Variants in FAF1 observed in about 807,000 individuals in gnomAD.
The protein encoded by FAF1 is FAS-associated factor 1.
FAF1 carries 25 observed loss-of-function variants against 92.5 expected under a neutral mutation model. The observed-to-expected ratio is 0.27, with a 90% confidence interval of 0.20 to 0.38. The LOEUF (loss-of-function observed/expected upper bound fraction) is 0.38, where lower values mean the gene tolerates loss of function less well. Among genes scored for constraint, FAF1 ranks in the 10% least tolerant of loss-of-function variants. The pLI is 1.00. For synonymous variants in FAF1, 234 were observed against 273.2 expected, an observed-to-expected ratio of 0.86 and a Z score of 1.42; for missense variants, 636 against 793.3, an observed-to-expected ratio of 0.80 and a Z score of 2.38.
At chr1:50,454,230 A>C (rs971645327) in intron 18 of FAF1, among the ~76,000 whole-genome samples, 6 of 152,212 alleles carry the variant, frequency 3.9e-5, no homozygotes, top group Admixed American at 3.3e-4. Context: ...CATAGACCCT[A>C]TGTGCCAGAC....
chr1:50,820,618 A>G (rs1644034873), intron 2 of FAF1, among the ~76,000 whole-genome samples: 1 of 152,288 alleles, frequency 6.6e-6, no homozygotes, highest in Admixed American at 6.5e-5. Context: ...TCATGTTACA[A>G]CTGAAAGTTT....
At chr1:50,755,289 A>T (rs1660030954) in intron 4 of FAF1, among the ~76,000 whole-genome samples, 1 of 152,186 alleles carries the variant, frequency 6.6e-6, no homozygotes, top group South Asian at 2.1e-4. Flanking sequence ...GGCCAAAATG[A>T]AGGGCTAAAG....
chr1:50,503,827 A>G (rs1041678127), intron 15 of FAF1, among the ~76,000 whole-genome samples: 9 of 152,148 alleles, frequency 5.9e-5, no homozygotes, highest in African/African-American at 2.2e-4. Flanking sequence ...AATTCTAGAA[A>G]ACGCAAACAA....
At chr1:50,468,090 T>C (rs1428804133) in intron 18 of FAF1, among the ~76,000 whole-genome samples, 2 of 151,874 alleles carry the variant, frequency 1.3e-5, no homozygotes, top group Non-Finnish European at 2.9e-5. Flanking sequence ...GCACCTGTGG[T>C]CCCAGCTACT....
chr1:50,630,024 C>T (rs1653694318), intron 8 of FAF1, among the ~76,000 whole-genome samples: 1 of 151,926 alleles, frequency 6.6e-6, no homozygotes. Flanking sequence ...CGCCACTGCA[C>T]TCCAGCCTGG....
At chr1:50,906,791 G>C (rs1426706402) in intron 1 of FAF1, among the ~76,000 whole-genome samples, 2 of 152,244 alleles carry the variant, frequency 1.3e-5, no homozygotes, top group East Asian at 3.9e-4. Context: ...TGAGACGATG[G>C]GGTTTTCTAA....
rs989689193 is a variant in FAF1, at chr1:50,865,004, A to C, written c.46-7007T>G. 4.4e-3 allele frequency among the ~76,000 whole-genome samples: 670 copies of C among 152,332 alleles called. 7 individuals carry two copies. Among genetic ancestry groups the C allele is most frequent in the African/African-American group, 0.015 (605 of 41,564 alleles). ...CAAACAAATTTACAAGAAAAAAAAC[A>C]ACCCCATCAAAAAGTGGGCGAAGGA... On this transcript the variant is annotated intron_variant, in intron 1 of 18. Transcript: ENST00000396153.
At chr1:50,864,503 T>A (rs1452454249) in intron 1 of FAF1, among the ~76,000 whole-genome samples, 1 of 151,990 alleles carries the variant, frequency 6.6e-6, no homozygotes, top group Non-Finnish European at 1.5e-5. Flanking sequence ...TATAGATCAA[T>A]GGAACAGAAC....
At chr1:50,584,885 A>G (rs931972363) in intron 9 of FAF1, 74 bp from the exon 10 acceptor site, 2 of 1,347,666 alleles carry the variant, frequency 1.5e-6, no homozygotes, top group Non-Finnish European at 2.1e-6. Flanking sequence ...TTATAATAAT[A>G]ACAACAGGAC....
At chr1:50,899,908 G>A (rs933405006) in intron 1 of FAF1, among the ~76,000 whole-genome samples, 3 of 152,040 alleles carry the variant, frequency 2.0e-5, no homozygotes, top group African/African-American at 7.2e-5. Context: ...AGTACACTAG[G>A]GTGCCCATTT....
chr1:50,609,274 T>C (rs1652582500), intron 8 of FAF1, among the ~76,000 whole-genome samples: 1 of 152,200 alleles, frequency 6.6e-6, no homozygotes, highest in African/African-American at 2.4e-5. Flanking sequence ...AGAATGAACC[T>C]GGCATAGCTT....
In FAF1 at chr1:50,909,455, T is replaced by C. The variant is rs974569800; in HGVS notation, c.45+50312A>G. 7.2e-5 allele frequency among the ~76,000 whole-genome samples: 11 copies of C among 152,352 alleles called. No homozygotes were observed. The South Asian group carries it at 1.9e-3, about 26-fold the overall frequency. On this transcript the variant is annotated intron_variant, in intron 1 of 18. Coordinates refer to ENST00000396153, the MANE Select transcript of FAF1 (RefSeq NM_007051.3). ...AGGTTGGGGAAGTTCTCCTGGGTAA[T>C]ATCCTTTAGAGTGTTTTCCAACTTG...
chr1:50,815,655 A>G (rs1488040360), intron 2 of FAF1, among the ~76,000 whole-genome samples: 1 of 152,180 alleles, frequency 6.6e-6, no homozygotes, highest in Non-Finnish European at 1.5e-5. Context: ...ACTAATTTAC[A>G]TTTCTACCAA....
At chr1:50,896,782 T>A (rs1248745760) in intron 1 of FAF1, among the ~76,000 whole-genome samples, 3 of 152,056 alleles carry the variant, frequency 2.0e-5, no homozygotes, top group African/African-American at 7.2e-5. Context: ...CAGACAATGG[T>A]GTGAGGGGCA....
At chr1:50,646,634 A>C (rs1286043845) in intron 8 of FAF1, among the ~76,000 whole-genome samples, 1 of 152,164 alleles carries the variant, frequency 6.6e-6, no homozygotes, top group Non-Finnish European at 1.5e-5. Flanking sequence ...TCATTTTTTC[A>C]CTACCACTAA....
chr1:50,656,610 T>C (rs1655124231), intron 7 of FAF1, among the ~76,000 whole-genome samples: 1 of 152,254 alleles, frequency 6.6e-6, no homozygotes, highest in South Asian at 2.1e-4. Context: ...TGGCTAGGCA[T>C]GGTGGCTCAC....
At chr1:50,889,852 G>A (rs554498486) in intron 1 of FAF1, among the ~76,000 whole-genome samples, 2 of 152,328 alleles carry the variant, frequency 1.3e-5, no homozygotes, top group South Asian at 4.1e-4. Flanking sequence ...TTGATTTGGG[G>A]TGGAGAGTTC....
chr1:50,941,613 C>G (rs1286452936), intron 1 of FAF1, among the ~76,000 whole-genome samples: 1 of 152,166 alleles, frequency 6.6e-6, no homozygotes, highest in African/African-American at 2.4e-5. Context: ...CCACCTTGGC[C>G]TCCAAAGTGC....
chr1:50,932,402 CA>C (rs1645055216), intron 1 of FAF1, among the ~76,000 whole-genome samples: 1 of 152,182 alleles, frequency 6.6e-6, no homozygotes, highest in South Asian at 2.1e-4. Flanking sequence ...TTAGCCAAAA[CA>C]AAGGGGTTAC....
Sources: allele counts gnomAD v4.1 joint callset (sites outside exome capture counted in the v4.1 genomes callset), GRCh38; gene constraint gnomAD v4.1.1; transcripts MANE v1.5; gene names NCBI Gene and HGNC (gene_info 2026-07-23, HGNC 2026-07-21).